Variants in ANK2 observed in about 807,000 individuals in gnomAD.
The protein encoded by ANK2 is ankyrin 2, also known as ankyrin-2.
In ANK2, 83 loss-of-function variants were observed where a neutral mutation model predicts 360.5. The observed-to-expected ratio is 0.23, with a 90% confidence interval of 0.19 to 0.28. ANK2 has a LOEUF of 0.28. Among genes scored for constraint, ANK2 ranks in the 10% least tolerant of loss-of-function variants. The probability of loss-of-function intolerance (pLI) is 1.00; values close to 1 mark genes in which losing one functional copy is unlikely to be tolerated. For missense variants in ANK2, 4,201 were observed against 4,795.7 expected (o/e 0.88, Z 3.66); for synonymous variants, 1,740 against 1,759.5 (o/e 0.99, Z 0.28).
the ANK2 span, among the ~76,000 whole-genome samples, chr4:112,799,482 CCTTT>C: frequency 2.2e-4 from 34 of 151,454 alleles, no homozygotes; most frequent in African/African-American, 8.0e-4. Context: ...AACATTTTTT[CCTTT>C]CTTTTAAAAT....
intron 1 of ANK2, among the ~76,000 whole-genome samples, chr4:112,892,104 A>G (rs2080200520): frequency 6.6e-6 from 1 of 152,080 alleles, no homozygotes; most frequent in Non-Finnish European, 1.5e-5. Flanking sequence ...TTAGCACCTG[A>G]TGATCCTGGG....
chr4:112,883,855 C>A (rs2077485761), intron 1 of ANK2, among the ~76,000 whole-genome samples: 1 of 148,076 alleles, frequency 6.8e-6, no homozygotes, highest in African/African-American at 2.5e-5. Context: ...AAATATCATT[C>A]ATTCATATAT....
chr4:113,301,359 A>G (rs1286490269), intron 22 of ANK2, among the ~76,000 whole-genome samples: 1 of 140,216 alleles, frequency 7.1e-6, no homozygotes, highest in Non-Finnish European at 1.5e-5. Flanking sequence ...TATTTATGGT[A>G]TACAACATGA....
rs2154067330 is a variant in ANK2 at position 113,369,788 on chromosome 4, G to A, written c.11593G>A (p.Asp3865Asn). ...TGAGACCTGTGAAAGACTCGATGAAGATGCAGCTTTTGAAAAGGTAAGACA... is the reference window on the plus strand; with the variant it reads ...TGAGACCTGTGAAAGACTCGATGAAAATGCAGCTTTTGAAAAGGTAAGACA... ...QPETCERLDE[D>N]AAFEKGDDMP... Residue 3865 changes from aspartate (D) to asparagine (N), a missense_variant, in exon 43 of 46, where the codon GAT becomes AAT. Coordinates refer to ENST00000357077, the MANE Select transcript of ANK2 (RefSeq NM_001148.6). The A allele has an allele frequency of 6.2e-7, 1 of 1,614,098 alleles. No homozygotes were observed.
chr4:113,201,962 A>G (rs191686841), intron 4 of ANK2, among the ~76,000 whole-genome samples: 218 of 152,312 alleles, frequency 1.4e-3, no homozygotes, highest in Non-Finnish European at 2.6e-3. Context: ...TTTATATTGC[A>G]GGGGATTCTG....
chr4:112,754,254 T>TCTG, the ANK2 span, among the ~76,000 whole-genome samples: 1 of 151,098 alleles, frequency 6.6e-6, no homozygotes, highest in Admixed American at 6.6e-5. Flanking sequence ...TGGCATGTCC[T>TCTG]CTGCCTGGCA....
chr4:113,056,253 A>T (rs1434360288), intron 1 of ANK2, among the ~76,000 whole-genome samples: 1 of 152,188 alleles, frequency 6.6e-6, no homozygotes, highest in Non-Finnish European at 1.5e-5. Flanking sequence ...TCTCTTGAGA[A>T]AATTTTGTTA....
intron 2 of ANK2, among the ~76,000 whole-genome samples, chr4:112,962,003 A>G (rs1691559340): frequency 6.6e-6 from 1 of 152,134 alleles, no homozygotes; most frequent in Non-Finnish European, 1.5e-5. Context: ...AGAGTTAAGA[A>G]TCTCTAATCT....
In ANK2 at chr4:113,082,476, AT is replaced by A. The variant is rs1278889363; in HGVS notation, c.84+32671del. On this transcript the variant is annotated intron_variant, in intron 1 of 45. Transcript: ENST00000357077. The stretch of plus-strand genomic sequence containing the variant: ...TTATTTGTATAGAATCATATTTTCA[AT>A]TTTTTTAGTGACTATACATTTTACT... Among the ~76,000 whole-genome samples the A allele has an allele frequency of 2.6e-5, 4 of 152,110 alleles. No individual in the cohort carries two copies. The East Asian group carries it at 5.8e-4, about 22-fold the overall frequency.
At chr4:112,991,990 T>C (rs754698676) in intron 2 of ANK2, among the ~76,000 whole-genome samples, 4 of 152,176 alleles carry the variant, frequency 2.6e-5, no homozygotes, top group African/African-American at 4.8e-5. Flanking sequence ...ACGTATTCTC[T>C]GAGAAGATGG....
intron 2 of ANK2, among the ~76,000 whole-genome samples, chr4:112,973,536 A>G (rs2040335059): frequency 6.6e-6 from 1 of 152,200 alleles, no homozygotes; most frequent in African/African-American, 2.4e-5. Context: ...ATTGCTTTTG[A>G]TAAAGGATCA....
chr4:112,931,404 T>C (rs2093209168), intron 2 of ANK2, among the ~76,000 whole-genome samples: 1 of 151,852 alleles, frequency 6.6e-6, no homozygotes, highest in Non-Finnish European at 1.5e-5. Flanking sequence ...CTATTTATTT[T>C]ACGTACCTTT....
chr4:113,315,495 C>T (rs35337967), intron 24 of ANK2, among the ~76,000 whole-genome samples: 3,874 of 152,270 alleles, frequency 0.025, 83 homozygotes, highest in Non-Finnish European at 0.04. Context: ...TTCCAGAAGA[C>T]GGTTGAGCCC....
At position 113,308,862 on chromosome 4, in the gene ANK2, A is replaced by G. The variant is rs72900073; in HGVS notation, c.2549-2393A>G. ...AGGTTGAAGATGAAGGGCCTAGCAG[A>G]CAATGTATCTAGGAAGTTGGGAGGG... On this transcript the variant is annotated intron_variant, in intron 23 of 45. Transcript: ENST00000357077. Among the ~76,000 whole-genome samples the G allele has an allele frequency of 8.1e-3, 1,227 of 152,034 alleles. 27 individuals carry two copies. Among genetic ancestry groups the G allele is most frequent in the African/African-American group, 0.028 (1,162 of 41,528 alleles).
At chr4:113,007,742 A>T (rs1364691145) in intron 2 of ANK2, among the ~76,000 whole-genome samples, 4 of 152,324 alleles carry the variant, frequency 2.6e-5, no homozygotes, top group Non-Finnish European at 5.9e-5. Context: ...AAGCCATGTT[A>T]TACAAGCACA....
chr4:113,064,652 G>C (rs917036362), intron 1 of ANK2, among the ~76,000 whole-genome samples: 1 of 152,196 alleles, frequency 6.6e-6, no homozygotes, highest in African/African-American at 2.4e-5. Context: ...AGTATGGCCC[G>C]TGTTGTTCTT....
chr4:113,092,033 AT>A, intron 1 of ANK2, among the ~76,000 whole-genome samples: 1 of 152,354 alleles, frequency 6.6e-6, no homozygotes, highest in African/African-American at 2.4e-5. Context: ...TAATATGAAG[AT>A]TGGTAGAAAC....
chr4:112,863,342 T>G (rs2068775996), intron 1 of ANK2, among the ~76,000 whole-genome samples: 1 of 152,048 alleles, frequency 6.6e-6, no homozygotes, highest in Non-Finnish European at 1.5e-5. Context: ...ACATTCTTAT[T>G]AAAAAATTTT....
At chr4:113,039,455 G>T (rs140013451) in intron 2 of ANK2, among the ~76,000 whole-genome samples, 1 of 151,796 alleles carries the variant, frequency 6.6e-6, no homozygotes, top group East Asian at 1.9e-4. Context: ...ACAAAAAATC[G>T]TTTTCTCTTA....
Sources: allele counts gnomAD v4.1 joint callset (sites outside exome capture counted in the v4.1 genomes callset), GRCh38; gene constraint gnomAD v4.1.1; transcripts MANE v1.5; gene names NCBI Gene and HGNC (gene_info 2026-07-23, HGNC 2026-07-21).